The following KHDRBS2 variants were observed in gnomAD, a reference collection of about 807,000 sequenced individuals.
KHDRBS2 encodes KH RNA binding domain containing, signal transduction associated 2.
In KHDRBS2, 26 loss-of-function variants were observed where a neutral mutation model predicts 44.3. That is an observed-to-expected ratio of 0.59 (90% CI 0.43 to 0.81). The LOEUF is 0.81. Among genes scored for constraint, KHDRBS2 ranks in the 40% least tolerant of loss-of-function variants. The pLI, the probability that KHDRBS2 is intolerant of heterozygous loss-of-function variation, is 0.00. For synonymous variants in KHDRBS2, 194 were observed against 151.1 expected, an observed-to-expected ratio of 1.28 and a Z score of -2.08; for missense variants, 476 against 433.1, an observed-to-expected ratio of 1.10 and a Z score of -0.88.
At chr6:61,941,827 GTCAACA>G (rs975643028) in intron 4 of KHDRBS2, among the ~76,000 whole-genome samples, 4 of 152,124 alleles carry the variant, frequency 2.6e-5, no homozygotes, top group African/African-American at 9.7e-5. Flanking sequence ...ATGTGCAGAT[GTCAACA>G]TAAGCATAAA....
At chr6:61,717,471 T>C (rs1245765995) in intron 7 of KHDRBS2, among the ~76,000 whole-genome samples, 1 of 152,032 alleles carries the variant, frequency 6.6e-6, no homozygotes, top group Non-Finnish European at 1.5e-5. Context: ...GAACATACAA[T>C]TAAATTGTAG....
chr6:62,018,738 ATTAAT>A (rs1265340590), intron 3 of KHDRBS2, among the ~76,000 whole-genome samples: 4 of 152,198 alleles, frequency 2.6e-5, no homozygotes, highest in Non-Finnish European at 4.4e-5. Context: ...AAAATCCGTT[ATTAAT>A]TTGAGATTAC....
intron 2 of KHDRBS2, among the ~76,000 whole-genome samples, chr6:62,113,062 A>C (rs2150076535): frequency 6.6e-6 from 1 of 152,266 alleles, no homozygotes; most frequent in South Asian, 2.1e-4. Context: ...ATTTGGTTAA[A>C]GCCAATGAAG....
chr6:62,064,930 T>A (rs561132164), intron 2 of KHDRBS2, among the ~76,000 whole-genome samples: 2 of 150,306 alleles, frequency 1.3e-5, no homozygotes, highest in Non-Finnish European at 3.0e-5. Context: ...CAAACAAATT[T>A]ACAAGAAAAA....
chr6:61,606,529 T>G, the KHDRBS2 span, among the ~76,000 whole-genome samples: 1 of 152,162 alleles, frequency 6.6e-6, no homozygotes, highest in Non-Finnish European at 1.5e-5. Context: ...ATACAAAATA[T>G]GAAAATTCCA....
intron 3 of KHDRBS2, among the ~76,000 whole-genome samples, chr6:62,010,746 T>C (rs1301215596): frequency 1.3e-5 from 2 of 152,276 alleles, no homozygotes; most frequent in Non-Finnish European, 2.9e-5. Context: ...TGCTCCTCCT[T>C]GCCTTCCACC....
chr6:61,776,835 A>G (rs770904461), intron 6 of KHDRBS2, among the ~76,000 whole-genome samples: 76 of 152,218 alleles, frequency 5.0e-4, no homozygotes, highest in Admixed American at 1.2e-3. Flanking sequence ...AGTCACATGC[A>G]CACGTATGTT....
chr6:62,045,019 G>A (rs1270925444), intron 3 of KHDRBS2, among the ~76,000 whole-genome samples: 3 of 151,992 alleles, frequency 2.0e-5, no homozygotes, highest in African/African-American at 4.8e-5. Flanking sequence ...CACTTAAGGG[G>A]GAGACTGGAA....
intron 6 of KHDRBS2, among the ~76,000 whole-genome samples, chr6:61,785,783 G>A (rs1328524645): frequency 2.0e-5 from 3 of 151,882 alleles, no homozygotes; most frequent in African/African-American, 4.8e-5. Context: ...ACCTCCAGAT[G>A]GAAAAAAGAG....
chr6:61,600,716 C>T, the KHDRBS2 span, among the ~76,000 whole-genome samples: 1 of 152,150 alleles, frequency 6.6e-6, no homozygotes, highest in Non-Finnish European at 1.5e-5. Flanking sequence ...ATGAAGAGAT[C>T]CGTCTACGAC....
At chr6:61,804,157 T>C (rs1054670757) in intron 6 of KHDRBS2, among the ~76,000 whole-genome samples, 2 of 152,068 alleles carry the variant, frequency 1.3e-5, no homozygotes, top group African/African-American at 4.8e-5. Context: ...GCAAGTTAGT[T>C]ACTTCCTAGG....
chr6:61,871,043 G>A (rs748224021), intron 6 of KHDRBS2, among the ~76,000 whole-genome samples: 10 of 152,112 alleles, frequency 6.6e-5, no homozygotes, highest in Non-Finnish European at 1.2e-4. Context: ...CAGAAAGTGG[G>A]TAATAACAAA....
chr6:61,739,388 G>C lies in KHDRBS2; in HGVS notation c.811-6624C>G, dbSNP rs566043763. Among the ~76,000 whole-genome samples, 19 of 151,994 alleles carry C rather than the reference G, an allele frequency of 1.3e-4. No homozygotes were observed. The East Asian group carries it at 2.9e-3, about 23-fold the overall frequency. On this transcript the variant is annotated intron_variant, in intron 6 of 8. Transcript: ENST00000281156. ...GTCAGAATCTTACTTGTTTCTTAAT[G>C]ATAGGAGCAACTTTGCTCTGAATTA... is the stretch of plus-strand genomic sequence containing the variant.
intron 2 of KHDRBS2, among the ~76,000 whole-genome samples, chr6:62,061,560 C>A (rs1011016051): frequency 6.7e-6 from 1 of 149,800 alleles, no homozygotes; most frequent in African/African-American, 2.5e-5. Context: ...GTCTGATGGG[C>A]TTCCCTTTGA....
intron 3 of KHDRBS2, among the ~76,000 whole-genome samples, chr6:62,018,227 G>A (rs1178878730): frequency 3.4e-5 from 5 of 148,430 alleles, no homozygotes; most frequent in African/African-American, 5.0e-5. Context: ...TTATATTTAC[G>A]TAAATATACA....
intron 2 of KHDRBS2, among the ~76,000 whole-genome samples, chr6:62,164,477 T>C (rs562086286): frequency 6.6e-6 from 1 of 151,964 alleles, no homozygotes; most frequent in South Asian, 2.1e-4. Context: ...ATTAGGAAAG[T>C]AACATTAATA....
intron 4 of KHDRBS2, among the ~76,000 whole-genome samples, chr6:61,941,740 C>T (rs115348990): frequency 0.014 from 2,137 of 152,102 alleles, 59 homozygotes; most frequent in African/African-American, 0.048. Flanking sequence ...TAACCAACAC[C>T]GTAGATACAT....
At chr6:61,912,458 T>C (rs1466865885) in intron 4 of KHDRBS2, among the ~76,000 whole-genome samples, 1 of 152,178 alleles carries the variant, frequency 6.6e-6, no homozygotes, top group East Asian at 1.9e-4. Flanking sequence ...CTTTCAATGG[T>C]TGTAAATTGT....
the KHDRBS2 span, among the ~76,000 whole-genome samples, chr6:61,594,226 A>C: frequency 4.9e-5 from 7 of 141,526 alleles, no homozygotes; most frequent in Non-Finnish European, 9.3e-5. Context: ...GAAAACATTA[A>C]AAAATGAGCA....
Sources: gnomAD v4.1 joint callset for allele counts (sites outside exome capture counted in the v4.1 genomes callset) on GRCh38, gnomAD v4.1.1 for gene constraint, MANE v1.5 for transcripts, NCBI Gene and HGNC (gene_info 2026-07-23, HGNC 2026-07-21) for gene names.